The following ADSS2 variants were observed in gnomAD, a reference collection of about 807,000 sequenced individuals.
ADSS2 encodes adenylosuccinate synthetase isozyme 2.
ADSS2 carries 30 observed loss-of-function variants against 60.0 expected under a neutral mutation model. The ratio of observed to expected loss-of-function variants is 0.50; its 90% CI spans 0.37 to 0.68. ADSS2 has a LOEUF of 0.68. ADSS2 is among the 30% of genes least tolerant of loss of function. The pLI is 0.00. For missense variants in ADSS2, 373 were observed against 554.8 expected, an observed-to-expected ratio of 0.67 and a Z score of 3.29; for synonymous variants, 187 against 193.1, an observed-to-expected ratio of 0.97 and a Z score of 0.26.
intron 1 of ADSS2, among the ~76,000 whole-genome samples, chr1:244,447,947 G>A (rs1665435013): frequency 6.6e-6 from 1 of 152,078 alleles, no homozygotes; most frequent in African/African-American, 2.4e-5. Flanking sequence ...TCTCCCTTTT[G>A]AGAAAATTTA....
At chr1:244,440,803 T>C (rs954093599) in intron 1 of ADSS2, among the ~76,000 whole-genome samples, 2 of 152,204 alleles carry the variant, frequency 1.3e-5, no homozygotes, top group Non-Finnish European at 2.9e-5. Context: ...TCCATAACCT[T>C]GCAAACAGAA....
chr1:244,417,398 T>TA (rs1664558160), intron 10 of ADSS2, among the ~76,000 whole-genome samples: 2 of 152,148 alleles, frequency 1.3e-5, no homozygotes, highest in Admixed American at 6.5e-5. Context: ...CCTCTATACT[T>TA]AGAGTATCAC....
intron 3 of ADSS2, among the ~76,000 whole-genome samples, chr1:244,434,127 G>C (rs1342337924): frequency 6.7e-6 from 1 of 150,274 alleles, no homozygotes; most frequent in African/African-American, 2.5e-5. Flanking sequence ...AGGATTGCTT[G>C]AGGCCTGGAG....
intron 1 of ADSS2, among the ~76,000 whole-genome samples, chr1:244,439,450 C>T (rs184983361): frequency 6.6e-6 from 1 of 152,222 alleles, no homozygotes; most frequent in East Asian, 1.9e-4. Context: ...AGAAATTTGC[C>T]CTGGAACTAG....
In ADSS2 at chr1:244,451,795, G is replaced by A. The variant is rs367698631; in HGVS notation, c.23C>T (p.Pro8Leu). The change falls in exon 1 of 13, where the codon CCG becomes CTG. Residue 8 changes from proline (P) to leucine (L), a missense_variant. Transcript: ENST00000366535. This position sits in a 1 kb window ranked among gnomAD's most constrained non-coding sequence, Gnocchi z 6.6. MAFAETY[P>L]AASSLPNGDC... ...GCCGTTGGGCAGGGAGGATGCCGCC[G>A]GGTAGGTCTCGGCGAACGCCATGGC... 3.8e-6 allele frequency: 6 copies of A among 1,594,872 alleles called. No homozygotes were observed. Among genetic ancestry groups the A allele is most frequent in the Non-Finnish European group, 5.1e-6 (6 of 1,172,030 alleles).
In ADSS2 at chr1:244,432,406, G is replaced by C. The variant is rs188869076; in HGVS notation, c.406+139C>G. The C allele has an allele frequency of 1.9e-3, 1,110 of 576,504 alleles. 26 individuals are homozygous for C. The highest frequency in any genetic ancestry group is 1.4e-3 in the Admixed American group (40 of 28,186). The allele number at this position is 576,504 out of a possible 1,614,324, so 35.7% of individuals were successfully genotyped here. A position where few individuals can be genotyped will look rare whatever the true frequency, so the allele number is the denominator to read the frequency against. On this transcript the variant is annotated intron_variant, in intron 4 of 12. Coordinates refer to ENST00000366535, the MANE Select transcript of ADSS2 (RefSeq NM_001126.5). ...AGAAAAAAATTAGTAAGTATTTTTT[G>C]TATTTAGAACTCAATTACTACAATC...
At chr1:244,441,620 G>A (rs1176146350) in intron 1 of ADSS2, among the ~76,000 whole-genome samples, 3 of 152,036 alleles carry the variant, frequency 2.0e-5, no homozygotes, top group Admixed American at 6.6e-5. Context: ...GAGACCGCAT[G>A]TGCATGTCAC....
intron 4 of ADSS2, among the ~76,000 whole-genome samples, chr1:244,430,148 ATAT>A (rs918587181): frequency 1.3e-5 from 2 of 152,090 alleles, no homozygotes; most frequent in African/African-American, 4.8e-5. Flanking sequence ...TAAAATAATA[ATAT>A]TCATTTACAT....
intron 3 of ADSS2, among the ~76,000 whole-genome samples, chr1:244,435,826 G>C (rs186462944): frequency 6.6e-6 from 1 of 152,248 alleles, no homozygotes; most frequent in East Asian, 1.9e-4. Context: ...TGTGTTCAGG[G>C]TAAGTAAGCA....
chr1:244,423,450 T>C (rs1350710228), intron 6 of ADSS2, among the ~76,000 whole-genome samples: 1 of 152,224 alleles, frequency 6.6e-6, no homozygotes, highest in Non-Finnish European at 1.5e-5. Flanking sequence ...AGTAGCTTTT[T>C]GATGACTACT....
At chr1:244,431,479 A>G (rs922948837) in intron 4 of ADSS2, among the ~76,000 whole-genome samples, 1 of 152,168 alleles carries the variant, frequency 6.6e-6, no homozygotes, top group Admixed American at 6.5e-5. Flanking sequence ...GGTGAAATAT[A>G]AACTACTCAC....
At chr1:244,450,111 C>T (rs1465012739) in intron 1 of ADSS2, among the ~76,000 whole-genome samples, 2 of 152,214 alleles carry the variant, frequency 1.3e-5, no homozygotes, top group South Asian at 2.1e-4. Flanking sequence ...AGCCTCTCTC[C>T]CGCTGTCGAC....
chr1:244,449,651 C>T lies in ADSS2; in HGVS notation c.183+1984G>A, dbSNP rs185277722. Among the ~76,000 whole-genome samples the T allele has an allele frequency of 8.5e-5, 13 of 152,230 alleles. No individual in the cohort carries two copies. The East Asian group carries it at 2.5e-3, about 29-fold the overall frequency. On this transcript the variant is annotated intron_variant, in intron 1 of 12. Transcript: ENST00000366535. ...TCATTACTCATCTATTTTTTGCTAA[C>T]AAGACTAATAAAGAATCCTAATGAT...
chr1:244,415,516 CT>C (rs1664508708), intron 11 of ADSS2, among the ~76,000 whole-genome samples: 1 of 152,194 alleles, frequency 6.6e-6, no homozygotes, highest in Non-Finnish European at 1.5e-5. Flanking sequence ...TGGCATATTC[CT>C]AATCCTTATC....
At chr1:244,437,624 T>C (rs1665136897) in intron 2 of ADSS2, 42 bp downstream of exon 2, 6 of 1,341,732 alleles carry the variant, frequency 4.5e-6, no homozygotes, top group African/African-American at 1.4e-5. Flanking sequence ...CATTATCAAC[T>C]GGTGGGGGGG....
At chr1:244,411,990 G>A (rs768538492) in intron 11 of ADSS2, among the ~76,000 whole-genome samples, 111 of 152,282 alleles carry the variant, frequency 7.3e-4, no homozygotes, top group Non-Finnish European at 1.1e-3. Flanking sequence ...ACTCTGCCCA[G>A]ATTTCTCTCA....
intron 1 of ADSS2, among the ~76,000 whole-genome samples, chr1:244,443,153 G>A (rs1665290169): frequency 6.6e-6 from 1 of 152,116 alleles, no homozygotes. Flanking sequence ...ACAAATGATG[G>A]GAGATATTTT....
intron 1 of ADSS2, among the ~76,000 whole-genome samples, chr1:244,449,098 A>G (rs1377744402): frequency 1.3e-5 from 2 of 152,224 alleles, no homozygotes; most frequent in Non-Finnish European, 2.9e-5. Context: ...CAAGTTATAA[A>G]TAACTCCCCA....
chr1:244,440,559 T>C (rs79508140), intron 1 of ADSS2, among the ~76,000 whole-genome samples: 2,438 of 152,196 alleles, frequency 0.016, 38 homozygotes, highest in Non-Finnish European at 0.023. Flanking sequence ...GAGGCATTAT[T>C]TTTTACTATT....
Sources: allele counts gnomAD v4.1 joint callset (sites outside exome capture counted in the v4.1 genomes callset), GRCh38; gene constraint gnomAD v4.1.1; non-coding constraint Gnocchi (gnomAD v3.1); transcripts MANE v1.5; gene names NCBI Gene and HGNC (gene_info 2026-07-23, HGNC 2026-07-21).